Variants in APOB observed in about 807,000 individuals in gnomAD.
APOB encodes the protein apolipoprotein B-100.
APOB carries 153 observed loss-of-function variants against 314.1 expected under a neutral mutation model. That is an observed-to-expected ratio of 0.49 (90% confidence interval 0.43 to 0.56). The LOEUF is 0.56. APOB is among the 20% of genes least tolerant of loss of function. APOB has a pLI of 0.00. For synonymous variants in APOB, 2,087 were observed against 2,036.4 expected (o/e 1.02, Z -0.67); for missense variants, 5,430 against 5,350.7 (o/e 1.01, Z -0.46).
intron 10 of APOB, among the ~76,000 whole-genome samples, chr2:21,030,552 C>T (rs1002274171): frequency 1.3e-4 from 19 of 151,998 alleles, no homozygotes; most frequent in South Asian, 2.1e-4. Context: ...ACAAAGAATT[C>T]GTGAATAAGA....
In APOB at chr2:21,005,290, G is replaced by C. The variant is rs775759802; in HGVS notation, c.11578C>G (p.Gln3860Glu). ...FELPTIIVPE[Q>E]TIEIPSIKFS... ...TTAATGGAGGGAATCTCAATGGTCT[G>C]CTCAGGCACGATGATGGTGGGCAAC... Residue 3860 changes from glutamine (Q) to glutamate (E), a missense_variant, in exon 26 of 29, where the codon CAG becomes GAG. Physicochemically the swap from Gln to Glu is conservative, Grantham distance 29. Transcript: ENST00000233242. 1 of 1,613,954 alleles carries C rather than the reference G, an allele frequency of 6.2e-7. No homozygotes were observed. The highest frequency in any genetic ancestry group is 1.3e-5 in the African/African-American group (1 of 74,910).
chr2:21,024,503 C>T (rs1254562457), intron 16 of APOB: 2 of 288,894 alleles, frequency 6.9e-6, no homozygotes, highest in South Asian at 5.1e-5. Flanking sequence ...TCCACAGTCC[C>T]AGCTACTTGG....
Position 21,005,109 on chromosome 2 carries a change from G to A in APOB, c.11759C>T (p.Thr3920Ile), listed in dbSNP as rs1486259796. 6.2e-7 allele frequency: 1 copy of A among 1,614,002 alleles called. No homozygotes were observed. The highest frequency in any genetic ancestry group is 1.3e-5 in the African/African-American group (1 of 75,032). The change falls in exon 26 of 29, where the codon ACC becomes ATC. Residue 3920 changes from threonine (T) to isoleucine (I), a missense_variant. Coordinates refer to ENST00000233242, the MANE Select transcript of APOB (RefSeq NM_000384.3). Reference protein sequence around the residue: ...ETVLDSTCSSTVQFLEYELNV... With the variant: ...ETVLDSTCSSIVQFLEYELNV... ...TAGTTCATATTCTAGGAACTGTACG[G>A]TTGAGCTGCATGTGGAATCCAGGAC...
intron 6 of APOB, among the ~76,000 whole-genome samples, chr2:21,036,799 T>C (rs1291474307): frequency 6.6e-6 from 1 of 151,798 alleles, no homozygotes. Flanking sequence ...CAGAGGTGAG[T>C]AGTCATTACT....
chr2:21,019,512 T>A (rs1233838861), intron 19 of APOB, among the ~76,000 whole-genome samples: 3 of 152,224 alleles, frequency 2.0e-5, no homozygotes, highest in Non-Finnish European at 4.4e-5. Flanking sequence ...AATTGGGATC[T>A]GTGCTGTGAT....
intron 11 of APOB, 45 bp from the exon 12 acceptor site, chr2:21,029,830 G>C (rs367593688): frequency 1.2e-6 from 2 of 1,612,938 alleles, no homozygotes; most frequent in African/African-American, 1.3e-5. Flanking sequence ...GTGCAGGAGA[G>C]GGAAGTAAAA....
At chr2:21,004,509 C>A in intron 27 of APOB, 52 bp downstream of exon 27, 1 of 1,612,820 alleles carries the variant, frequency 6.2e-7, no homozygotes, top group East Asian at 2.2e-5. Context: ...TGAAGAAAAT[C>A]ACAATGAGTT....
In APOB at chr2:21,016,618, G is replaced by T. The variant is rs1663472281; in HGVS notation, c.3153C>A (p.Phe1051Leu). 2.5e-6 allele frequency: 4 copies of T among 1,610,780 alleles called. No homozygotes were observed. In the Admixed American group the frequency reaches 5.0e-5, roughly 20 times the overall value. Reference sequence around the variant, plus strand: ...AGGTCATACTCTGCCGATTATATTTGAATGTCATGGTAGCCTCAGTCTGCT... The same window carrying T: ...AGGTCATACTCTGCCGATTATATTTTAATGTCATGGTAGCCTCAGTCTGCT... Reference protein sequence around the residue: ...GAKQTEATMTFKYNRQSMTLS... With the variant: ...GAKQTEATMTLKYNRQSMTLS... The change falls in exon 21 of 29, where the codon TTC (phenylalanine) becomes TTA (leucine). Residue 1051 changes from phenylalanine to leucine, a missense_variant. Phe to Leu is a conservative substitution (Grantham distance 22). Transcript: ENST00000233242.
chr2:21,008,656 T>A lies in APOB; in HGVS notation c.8212A>T (p.Ile2738Leu). Reference sequence around the variant, plus strand: ...ATGTGGGGAAGCTGGAATTCTGGTATGTGAAGGTCAGGAACTTGAAAATCA... The same window carrying A: ...ATGTGGGGAAGCTGGAATTCTGGTAAGTGAAGGTCAGGAACTTGAAAATCA... ...LNDFQVPDLH[I>L]PEFQLPHISH... Residue 2738 changes from isoleucine (I) to leucine (L), a missense_variant, in exon 26 of 29, where the codon ATA becomes TTA. Ile to Leu is a conservative substitution (Grantham distance 5). This residue lies in a region of APOB where 3,281 missense variants were observed against 3,171.0 expected (regional missense o/e 1.03). Coordinates refer to ENST00000233242, the MANE Select transcript of APOB (RefSeq NM_000384.3). The A allele has an allele frequency of 6.2e-7, 1 of 1,614,090 alleles. No homozygotes were observed. The highest frequency in any genetic ancestry group is 8.5e-7 in the Non-Finnish European group (1 of 1,179,956).
chr2:21,037,445 C>T (rs1353927362), intron 5 of APOB, among the ~76,000 whole-genome samples, 190 bp from the exon 6 acceptor site: 1 of 152,052 alleles, frequency 6.6e-6, no homozygotes, highest in Non-Finnish European at 1.5e-5. Context: ...AGAGAGAAAA[C>T]CAGTTAAAGG....
chr2:21,043,361 G>T, intron 2 of APOB, 152 bp downstream of exon 2: 1 of 880,008 alleles, frequency 1.1e-6, no homozygotes, highest in Non-Finnish European at 1.9e-6. Flanking sequence ...TTGGGTGTGG[G>T]CAGAGGCTCA....
In APOB at chr2:21,007,823, T is replaced by C. The variant is rs1271492308; in HGVS notation, c.9045A>G (p.Ala3015=). Reference sequence around the variant, plus strand: ...GAGCATCATGCCTCCCAGTAAACTCTGCCTTCCCTTCTCCAAACAGTGCCA... The same window carrying C: ...GAGCATCATGCCTCCCAGTAAACTCCGCCTTCCCTTCTCCAAACAGTGCCA... The part of the protein sequence containing the change: ...KGMALFGEGK[A]EFTGRHDAHL... The change falls in exon 26 of 29, where the codon GCA becomes GCG. Residue 3015 remains alanine (A), a synonymous_variant. Transcript: ENST00000233242. The C allele has an allele frequency of 1.9e-6, 3 of 1,614,010 alleles. No individual in the cohort carries two copies. Among genetic ancestry groups the C allele is most frequent in the Non-Finnish European group, 2.5e-6 (3 of 1,179,970 alleles).
intron 3 of APOB, 45 bp from the exon 4 acceptor site, chr2:21,041,128 T>A (rs1351551876): frequency 6.3e-7 from 1 of 1,596,328 alleles, no homozygotes; most frequent in East Asian, 2.2e-5. Flanking sequence ...CTATCAAGAA[T>A]GAGAGGTGGC....
In APOB at chr2:21,011,151, G is replaced by A. The variant is rs767547869; in HGVS notation, c.5717C>T (p.Thr1906Ile). Residue 1906 changes from threonine (T) to isoleucine (I), a missense_variant, in exon 26 of 29, where the codon ACC (threonine) becomes ATC (isoleucine). Thr to Ile is a moderately conservative substitution (Grantham distance 89). Around this residue, in one of 3 missense-constraint regions of APOB, gnomAD observed 3,281 missense variants for 3,171.0 expected, o/e 1.03. Transcript: ENST00000233242. Reference protein sequence around the residue: ...FRSVMAPFTMTIDAHTNGNGK... With the variant: ...FRSVMAPFTMIIDAHTNGNGK... ...ATTGCCATTTGTATGTGCATCGATG[G>A]TCATGGTAAACGGGGCCATTACAGA... is the stretch of plus-strand genomic sequence containing the variant. 2 of 1,614,158 alleles carry A rather than the reference G, an allele frequency of 1.2e-6. No individual in the cohort carries two copies. The highest frequency in any genetic ancestry group is 1.3e-5 in the African/African-American group (1 of 75,026).
In APOB at chr2:21,038,082, C is replaced by A. The variant is rs776319722; in HGVS notation, c.413G>T (p.Gly138Val). ...RYELKLAIPE[G>V]KQVFLYPEKD... ...CTCCGGGTAAAGGAAAACCTGCTTCCCTTCTGGAATGGCCAGCTTGAGCTC... is the reference window on the plus strand; with the variant it reads ...CTCCGGGTAAAGGAAAACCTGCTTCACTTCTGGAATGGCCAGCTTGAGCTC... Residue 138 changes from glycine (G) to valine (V), a missense_variant, in exon 5 of 29, where the codon GGG (glycine) becomes GTG (valine). By Grantham distance (109) the Gly-to-Val change is moderately radical. Transcript: ENST00000233242. 6.2e-7 allele frequency: 1 copy of A among 1,614,130 alleles called. No homozygotes were observed. Among genetic ancestry groups the A allele is most frequent in the South Asian group, 1.1e-5 (1 of 91,074 alleles).
chr2:21,005,844 A>G lies in APOB; in HGVS notation c.11024T>C (p.Ile3675Thr). 1 of 1,614,018 alleles carries G rather than the reference A, an allele frequency of 6.2e-7. No individual in the cohort carries two copies. The highest frequency in any genetic ancestry group is 1.7e-5 in the Admixed American group (1 of 60,002). Residue 3675 changes from isoleucine to threonine, a missense_variant, in exon 26 of 29, where the codon ATC becomes ACC. Physicochemically the swap from Ile to Thr is moderately conservative, Grantham distance 89. Coordinates refer to ENST00000233242, the MANE Select transcript of APOB (RefSeq NM_000384.3). ...LEGHLRFLKN[I>T]ILPVYDKSLW... The stretch of plus-strand genomic sequence containing the variant: ...GCTCTTGTCATAGACTGGTAGGATG[A>G]TATTTTTGAGGAACCTTAGGTGTCC...
At position 21,005,399 on chromosome 2, in the gene APOB, G is replaced by A. The variant is rs752488150; in HGVS notation, c.11469C>T (p.Ser3823=). 1.9e-6 allele frequency: 3 copies of A among 1,613,988 alleles called. No individual in the cohort carries two copies. In the South Asian group the frequency reaches 3.3e-5, roughly 18 times the overall value. ...ITVPESQLTV[S]QFTLPKSVSD... The stretch of plus-strand genomic sequence containing the variant: ...AAACACTTTTTGGAAGCGTGAACTG[G>A]GACACAGTTAACTGAGATTCAGGCA... Residue 3823 remains serine, a synonymous_variant, in exon 26 of 29, where the codon TCC becomes TCT. Transcript: ENST00000233242.
At chr2:21,003,714 G>A (rs553826716) in intron 28 of APOB, among the ~76,000 whole-genome samples, 3 of 152,264 alleles carry the variant, frequency 2.0e-5, no homozygotes, top group African/African-American at 7.2e-5. Context: ...AAAAAGGCAA[G>A]TTGGAGCCCA....
At chr2:21,020,823 T>C (rs931660642) in intron 18 of APOB, among the ~76,000 whole-genome samples, 1 of 152,238 alleles carries the variant, frequency 6.6e-6, no homozygotes, top group African/African-American at 2.4e-5. Context: ...ACCCATGGGG[T>C]GATCTCCCCT....
Sources: gnomAD v4.1 joint callset for allele counts (sites outside exome capture counted in the v4.1 genomes callset) on GRCh38, gnomAD v4.1.1 for gene constraint, gnomAD v4.1.1 regional missense constraint, MANE v1.5 for transcripts, NCBI Gene and HGNC (gene_info 2026-07-23, HGNC 2026-07-21) for gene names.